Variants in PLAGL1 observed in about 807,000 individuals in gnomAD.
PLAGL1 encodes the protein PLAG1 like zinc finger 1.
PLAGL1 carries 1 observed loss-of-function variant against 4.6 expected under a neutral mutation model. That is an observed-to-expected ratio of 0.22 (90% CI 0.08 to 1.03). PLAGL1 has a LOEUF of 1.03. Ranked by LOEUF, PLAGL1 falls within the 50% of genes least tolerant of loss-of-function variation. The pLI is 0.58. For missense variants in PLAGL1, 464 were observed against 570.4 expected (o/e 0.81, Z 1.90); for synonymous variants, 240 against 237.8 (o/e 1.01, Z -0.08).
Position 143,948,428 on chromosome 6 carries a change from T to G in PLAGL1, c.-292A>C. 1 of 321,308 alleles carries G rather than the reference T, an allele frequency of 3.1e-6. No individual in the cohort carries two copies. Among genetic ancestry groups the G allele is most frequent in the East Asian group, 6.1e-5 (1 of 16,500 alleles). The allele number at this position is 321,308 out of a possible 1,614,324, so 19.9% of individuals were successfully genotyped here. ...AGCAGAAAGGTAATCTGCATCACTA[T>G]AGCTGGGGCATGTCCTGGGTCCCCC... On this transcript the variant is annotated 5_prime_UTR_variant, in exon 7 of 8. Transcript: ENST00000674357. The surrounding 1 kb of genome is among the most constrained non-coding windows in gnomAD (Gnocchi z 6.0).
intron 1 of PLAGL1, among the ~76,000 whole-genome samples, chr6:144,049,561 G>A (rs1798430715): frequency 6.6e-6 from 1 of 152,170 alleles, no homozygotes; most frequent in Non-Finnish European, 1.5e-5. Flanking sequence ...ATGGAAGCAG[G>A]GGAAGAGTGA....
intron 1 of PLAGL1, among the ~76,000 whole-genome samples, chr6:144,003,595 G>C (rs111664197): frequency 0.03 from 4,268 of 142,728 alleles, 198 homozygotes; most frequent in African/African-American, 0.093. Context: ...CTGCACTCCA[G>C]CCTGGGTGAT....
chr6:143,989,890 T>G lies in PLAGL1; in HGVS notation c.-583-4716A>C, dbSNP rs1037371074. 6.6e-6 allele frequency among the ~76,000 whole-genome samples: 1 copy of G among 152,172 alleles called. No homozygotes were observed. The highest frequency in any genetic ancestry group is 1.5e-5 in the Non-Finnish European group (1 of 68,036). ...TAATACTTAACACATAACATCTCTC[T>G]GTTAACATCCCTACTTAATGCTTCT... On this transcript the variant is annotated intron_variant, in intron 1 of 7. Coordinates refer to ENST00000674357, the MANE Select transcript of PLAGL1 (RefSeq NM_001317162.2). This position sits in a 1 kb window ranked among gnomAD's most constrained non-coding sequence, Gnocchi z 4.8.
chr6:144,054,431 A>C (rs2128727003), intron 1 of PLAGL1, among the ~76,000 whole-genome samples: 1 of 152,344 alleles, frequency 6.6e-6, no homozygotes, highest in African/African-American at 2.4e-5. Context: ...AAAAGGAATG[A>C]TATCATGTCC....
In PLAGL1 at chr6:143,979,854, T is replaced by G. The variant is rs916851699; in HGVS notation, c.-544+5281A>C. On this transcript the variant is annotated intron_variant, in intron 2 of 7. Transcript: ENST00000674357. This position sits in a 1 kb window ranked among gnomAD's most constrained non-coding sequence, Gnocchi z 4.6. The stretch of plus-strand genomic sequence containing the variant: ...TTAAAAAAAAAGATTTCCTTTAGTA[T>G]TTCTTACACTGTGGGTCTACTGGTG... 6.6e-6 allele frequency among the ~76,000 whole-genome samples: 1 copy of G among 152,238 alleles called. No individual in the cohort carries two copies. Among genetic ancestry groups the G allele is most frequent in the East Asian group, 1.9e-4 (1 of 5,196 alleles).
In PLAGL1 at chr6:144,016,153, G is replaced by A. The variant is rs1418897058; in HGVS notation, c.-150-47175C>T. 6.6e-6 allele frequency among the ~76,000 whole-genome samples: 1 copy of A among 152,042 alleles called. No individual in the cohort carries two copies. Among genetic ancestry groups the A allele is most frequent in the Non-Finnish European group, 1.5e-5 (1 of 68,028 alleles). ...ACACATATACATATGAGTTTATTAA[G>A]TATTAACTTACATGATCACAAGGTC... On this transcript the variant is annotated intron_variant, in intron 1 of 3. Coordinates refer to the PLAGL1 transcript ENST00000437412. This position sits in a 1 kb window ranked among gnomAD's most constrained non-coding sequence, Gnocchi z 4.2.
intron 1 of PLAGL1, among the ~76,000 whole-genome samples, chr6:144,058,272 A>G (rs543055360): frequency 6.6e-6 from 1 of 152,138 alleles, no homozygotes; most frequent in South Asian, 2.1e-4. Flanking sequence ...CACTTTTTAA[A>G]CAACCAGATC....
At chr6:143,981,746 G>A (rs1452692442) in intron 2 of PLAGL1, among the ~76,000 whole-genome samples, 2 of 152,086 alleles carry the variant, frequency 1.3e-5, no homozygotes, top group Non-Finnish European at 2.9e-5. Context: ...CTCTCAGTAC[G>A]AAGTTCCAAT....
rs1799235882 is a variant in PLAGL1, at chr6:144,059,615, A to G, written c.-151+4853T>C. ...ATTGTAACTTTCCCAGATATTTTTA[A>G]TATATTTAGGAAATGTATTCAGCAA... On this transcript the variant is annotated intron_variant, in intron 1 of 3. Coordinates refer to the PLAGL1 transcript ENST00000437412. This position sits in a 1 kb window ranked among gnomAD's most constrained non-coding sequence, Gnocchi z 4.9. Among the ~76,000 whole-genome samples, 1 of 152,218 alleles carries G rather than the reference A, an allele frequency of 6.6e-6. No individual in the cohort carries two copies. Among genetic ancestry groups the G allele is most frequent in the South Asian group, 2.1e-4 (1 of 4,838 alleles).
At chr6:144,057,750 T>A (rs1799081357) in intron 1 of PLAGL1, among the ~76,000 whole-genome samples, 1 of 149,828 alleles carries the variant, frequency 6.7e-6, no homozygotes, top group African/African-American at 2.5e-5. Flanking sequence ...TGCCATCCCA[T>A]GCCTTCCACA....
In PLAGL1 at chr6:144,015,682, C is replaced by T. The variant is rs1285639127; in HGVS notation, c.-150-46704G>A. Among the ~76,000 whole-genome samples the T allele has an allele frequency of 6.6e-6, 1 of 152,096 alleles. No homozygotes were observed. Among genetic ancestry groups the T allele is most frequent in the Admixed American group, 6.5e-5 (1 of 15,274 alleles). ...GCAAATCAAAACTACAGTGAAATACCGCTACATACCCACTGGAAAGGCTAA... is the reference window on the plus strand; with the variant it reads ...GCAAATCAAAACTACAGTGAAATACTGCTACATACCCACTGGAAAGGCTAA... On this transcript the variant is annotated intron_variant, in intron 1 of 3. Transcript: ENST00000437412. The surrounding 1 kb of genome is among the most constrained non-coding windows in gnomAD (Gnocchi z 4.3).
At position 144,027,234 on chromosome 6, in the gene PLAGL1, CGAAAGAAAGAAAGAAAGAAAGAAAGAAA is replaced by C. The variant is rs67928472; in HGVS notation, c.-151+37206_-151+37233del. Reference sequence around the variant, plus strand: ...GAAAGACCCCAACTCAAAGAACGAACGAAAGAAAGAAAGAAAGAAAGAAAGAAAGAAAGAAAGAAAGAAAGAAAGAAAG... The same window carrying C: ...GAAAGACCCCAACTCAAAGAACGAACGAAAGAAAGAAAGAAAGAAAGAAAG... On this transcript the variant is annotated intron_variant, in intron 1 of 3. Coordinates refer to the PLAGL1 transcript ENST00000437412. This position sits in a 1 kb window ranked among gnomAD's most constrained non-coding sequence, Gnocchi z 5.8. Among the ~76,000 whole-genome samples, 9 of 111,550 alleles carry C rather than the reference CGAAAGAAAGAAAGAAAGAAAGAAAGAAA, an allele frequency of 8.1e-5. No homozygotes were observed. The highest frequency in any genetic ancestry group is 3.0e-4 in the South Asian group (1 of 3,284). The allele number at this position is 111,550 out of a possible 152,430, so 73.2% of individuals were successfully genotyped here.
intron 1 of PLAGL1, among the ~76,000 whole-genome samples, chr6:144,052,344 C>G (rs957887675): frequency 6.6e-6 from 1 of 152,096 alleles, no homozygotes; most frequent in Admixed American, 6.5e-5. Flanking sequence ...AATAAGGGTC[C>G]TTTAGAATTA....
chr6:143,953,534 G>A lies in PLAGL1; in HGVS notation c.-324-5074C>T, dbSNP rs892492009. Among the ~76,000 whole-genome samples the A allele has an allele frequency of 6.6e-6, 1 of 152,206 alleles. No individual in the cohort carries two copies. The highest frequency in any genetic ancestry group is 1.5e-5 in the Non-Finnish European group (1 of 68,040). ...ACATCCTAGCCAGAACATCTGAAAA[G>A]GGACAGGGTGTGTTCTGTTTACAAA... On this transcript the variant is annotated intron_variant, in intron 6 of 7. Coordinates refer to ENST00000674357, the MANE Select transcript of PLAGL1 (RefSeq NM_001317162.2). The surrounding 1 kb of genome is among the most constrained non-coding windows in gnomAD (Gnocchi z 5.3).
chr6:143,979,196 C>T lies in PLAGL1; in HGVS notation c.-544+5939G>A, dbSNP rs143112862. 4.0e-4 allele frequency among the ~76,000 whole-genome samples: 61 copies of T among 152,148 alleles called. No individual in the cohort carries two copies. The highest frequency in any genetic ancestry group is 1.3e-3 in the African/African-American group (56 of 41,542). ...CACATGAAGTGCATTTTTTTGTAGGCAGCATATAGTTAGTTCTCAAAGCGT... is the reference window on the plus strand; with the variant it reads ...CACATGAAGTGCATTTTTTTGTAGGTAGCATATAGTTAGTTCTCAAAGCGT... On this transcript the variant is annotated intron_variant, in intron 2 of 7. Transcript: ENST00000674357. The surrounding 1 kb of genome is among the most constrained non-coding windows in gnomAD (Gnocchi z 4.6).
rs998405981 is a variant in PLAGL1 at position 144,000,806 on chromosome 6, A to C, written c.-584+7284T>G. Among the ~76,000 whole-genome samples the C allele has an allele frequency of 3.9e-5, 6 of 152,154 alleles. No individual in the cohort carries two copies. The highest frequency in any genetic ancestry group is 1.4e-4 in the African/African-American group (6 of 41,452). ...ATGGAGAGCTAGACATTCTAAAACA[A>C]ACCTTTTAATACTTGCAAAGTTCTA... On this transcript the variant is annotated intron_variant, in intron 1 of 7. Transcript: ENST00000674357. This position sits in a 1 kb window ranked among gnomAD's most constrained non-coding sequence, Gnocchi z 4.1.
Position 143,945,863 on chromosome 6 carries a change from T to C in PLAGL1, c.152+2122A>G, listed in dbSNP as rs1779651642. 6.6e-6 allele frequency among the ~76,000 whole-genome samples: 1 copy of C among 152,168 alleles called. No individual in the cohort carries two copies. The highest frequency in any genetic ancestry group is 1.5e-5 in the Non-Finnish European group (1 of 68,040). Reference sequence around the variant, plus strand: ...AAGAGAGGCGAGAGGCAAGAAATGCTGGGGGCTGAGGCAGGGAAGGCGGTT... The same window carrying C: ...AAGAGAGGCGAGAGGCAAGAAATGCCGGGGGCTGAGGCAGGGAAGGCGGTT... On this transcript the variant is annotated intron_variant, in intron 7 of 7. Coordinates refer to ENST00000674357, the MANE Select transcript of PLAGL1 (RefSeq NM_001317162.2). The surrounding 1 kb of genome is among the most constrained non-coding windows in gnomAD (Gnocchi z 4.2).
At chr6:144,012,304 C>G (rs1446355838), upstream of PLAGL1, among the ~76,000 whole-genome samples, 1 of 152,028 alleles carries the variant, frequency 6.6e-6, no homozygotes, top group Non-Finnish European at 1.5e-5. The surrounding 1 kb of genome is among the most constrained non-coding windows in gnomAD (Gnocchi z 4.8). Context: ...AACCTGCCTC[C>G]CGGGTTCAAG....
Position 143,950,918 on chromosome 6 carries a change from G to C in PLAGL1, c.-324-2458C>G. ...TAATTTAAATTGCCACATAGTGCCA[G>C]TGGCTGCTGTCCTGGACGGCACAGG... On this transcript the variant is annotated intron_variant, in intron 6 of 7. Coordinates refer to ENST00000674357, the MANE Select transcript of PLAGL1 (RefSeq NM_001317162.2). This position sits in a 1 kb window ranked among gnomAD's most constrained non-coding sequence, Gnocchi z 6.3. Among the ~76,000 whole-genome samples the C allele has an allele frequency of 6.6e-6, 1 of 152,236 alleles. No individual in the cohort carries two copies.
Sources: gnomAD v4.1 joint callset for allele counts (sites outside exome capture counted in the v4.1 genomes callset) on GRCh38, gnomAD v4.1.1 for gene constraint, Gnocchi (gnomAD v3.1) non-coding constraint, MANE v1.5 for transcripts, NCBI Gene and HGNC (gene_info 2026-07-23, HGNC 2026-07-21) for gene names.